The following AKAP11 variants were observed in gnomAD, a reference collection of about 807,000 sequenced individuals.
The protein encoded by AKAP11 is A-kinase anchoring protein 11, also known as A-kinase anchor protein 11.
In AKAP11, 36 loss-of-function variants were observed where a neutral mutation model predicts 146.1. The ratio of observed to expected loss-of-function variants is 0.25; its 90% CI spans 0.19 to 0.33. The LOEUF (loss-of-function observed/expected upper bound fraction) is 0.33, where lower values mean the gene tolerates loss of function less well. Ranked by LOEUF, AKAP11 falls within the 10% of genes least tolerant of loss-of-function variation. The pLI is 1.00. For synonymous variants in AKAP11, 780 were observed against 786.5 expected (o/e 0.99, Z 0.14); for missense variants, 2,201 against 2,197.0 (o/e 1.00, Z -0.04).
intron 1 of AKAP11, among the ~76,000 whole-genome samples, chr13:42,275,551 G>A (rs1270451644): frequency 6.6e-6 from 1 of 152,204 alleles, no homozygotes; most frequent in Non-Finnish European, 1.5e-5. Context: ...GGGAGGAAGT[G>A]ATGGATACCT....
chr13:42,303,152 C>A lies in AKAP11; in HGVS notation c.4406C>A (p.Ala1469Asp). 1.2e-6 allele frequency: 2 copies of A among 1,614,170 alleles called. No individual in the cohort carries two copies. The highest frequency in any genetic ancestry group is 1.7e-6 in the Non-Finnish European group (2 of 1,180,030). The change falls in exon 8 of 13, where the codon GCT (alanine) becomes GAT (aspartate). Residue 1469 changes from alanine (A) to aspartate (D), a missense_variant. Physicochemically the swap from Ala to Asp is moderately radical, Grantham distance 126 (BLOSUM62 -2). Coordinates refer to ENST00000025301, the MANE Select transcript of AKAP11 (RefSeq NM_016248.4). The stretch of plus-strand genomic sequence containing the variant: ...CTGGTTCACAGCATAACAAAAGATG[C>A]TAAGGAAGAGTTGACAGCCTCTCTA... ...TSLVHSITKD[A>D]KEELTASLVG...
intron 1 of AKAP11, among the ~76,000 whole-genome samples, chr13:42,279,263 C>CCACACA (rs144570815): frequency 0.098 from 14,739 of 150,114 alleles, 793 homozygotes; most frequent in Admixed American, 0.12. Context: ...ACGTGCACAC[C>CCACACA]CACACACACA....
In AKAP11 at chr13:42,301,803, C is replaced by A. The variant is rs781177670; in HGVS notation, c.3057C>A (p.Ser1019=). The A allele has an allele frequency of 1.2e-6, 2 of 1,613,996 alleles. No homozygotes were observed. The highest frequency in any genetic ancestry group is 1.7e-6 in the Non-Finnish European group (2 of 1,180,002). Residue 1019 remains serine, a synonymous_variant, in exon 8 of 13, where the codon TCC becomes TCA. Transcript: ENST00000025301. The part of the protein sequence containing the change: ...ECKVSMVHGS[S]LETLPSCPAV... The stretch of plus-strand genomic sequence containing the variant: ...AAGTTTCTATGGTTCATGGATCCTC[C>A]CTAGAGACACTGCCATCTTGTCCAG...
At chr13:42,306,530 A>G (rs1960269174) in intron 8 of AKAP11, among the ~76,000 whole-genome samples, 1 of 152,222 alleles carries the variant, frequency 6.6e-6, no homozygotes, top group South Asian at 2.1e-4. Flanking sequence ...TCAGCTTTTT[A>G]TTAAGGCTGG....
rs1377481509 is a variant in AKAP11 at position 42,299,490 on chromosome 13, C to A, written c.744C>A (p.Pro248=). 1 of 1,613,810 alleles carries A rather than the reference C, an allele frequency of 6.2e-7. No individual in the cohort carries two copies. The highest frequency in any genetic ancestry group is 2.2e-5 in the East Asian group (1 of 44,890). Residue 248 remains proline, a synonymous_variant, in exon 8 of 13, where the codon CCC becomes CCA. Coordinates refer to ENST00000025301, the MANE Select transcript of AKAP11 (RefSeq NM_016248.4). ...GACAGCAGAAGTCATTGGCTAAACC[C>A]TCAACTTCCTCAGTGAATGTCCTGG... ...SSGQQKSLAK[P]STSSVNVLGH...
chr13:42,271,590 G>A (rs1225197646), upstream of AKAP11, among the ~76,000 whole-genome samples: 3 of 152,242 alleles, frequency 2.0e-5, no homozygotes, highest in Non-Finnish European at 4.4e-5. Flanking sequence ...CTAGCCTTGT[G>A]GCGAAGAAGG....
At chr13:42,287,289 CTT>C (rs148655463) in intron 3 of AKAP11, among the ~76,000 whole-genome samples, 1 of 146,408 alleles carries the variant, frequency 6.8e-6, no homozygotes, top group African/African-American at 2.5e-5. Flanking sequence ...ATGTTAATTA[CTT>C]TTTTTTTTTT....
rs1960683440 is a variant in AKAP11 at position 42,313,874 on chromosome 13, TCTG to T, written c.5358-17_5358-15del. ...TAATTAAATTTTTTTTGTAACTGCT[TCTG>T]CTATTTTATTCATAAGTGATGGACC... On this transcript the variant is annotated splice_polypyrimidine_tract_variant and intron_variant, in intron 10 of 12. Coordinates refer to ENST00000025301, the MANE Select transcript of AKAP11 (RefSeq NM_016248.4). 2.5e-6 allele frequency: 4 copies of T among 1,603,692 alleles called. No homozygotes were observed. The highest frequency in any genetic ancestry group is 3.4e-6 in the Non-Finnish European group (4 of 1,175,216).
At chr13:42,281,665 C>A (rs1021101386) in intron 1 of AKAP11, among the ~76,000 whole-genome samples, 4 of 151,782 alleles carry the variant, frequency 2.6e-5, no homozygotes, top group African/African-American at 9.7e-5. Flanking sequence ...ATTGTATCTA[C>A]CCAGATGAAA....
chr13:42,312,121 G>A (rs1364009971), intron 9 of AKAP11, among the ~76,000 whole-genome samples: 2 of 152,020 alleles, frequency 1.3e-5, no homozygotes, highest in Non-Finnish European at 2.9e-5. Context: ...TAATTGCCTA[G>A]CATAATATTG....
At chr13:42,297,932 TTTG>T (rs1959611751) in intron 6 of AKAP11, among the ~76,000 whole-genome samples, 1 of 152,094 alleles carries the variant, frequency 6.6e-6, no homozygotes, top group African/African-American at 2.4e-5. Flanking sequence ...AGCTATTATA[TTTG>T]ATTTCTAGTT....
At chr13:42,318,198 A>G (rs1432313443) in intron 12 of AKAP11, among the ~76,000 whole-genome samples, 3 of 152,240 alleles carry the variant, frequency 2.0e-5, no homozygotes, top group Non-Finnish European at 4.4e-5. Flanking sequence ...CAAGTACCTT[A>G]TTAGTCAAGA....
rs967979591 is a variant in AKAP11, at chr13:42,321,895, T to C, written c.*2667T>C. On this transcript the variant is annotated 3_prime_UTR_variant, in exon 13 of 13. Coordinates refer to ENST00000025301, the MANE Select transcript of AKAP11 (RefSeq NM_016248.4). Reference sequence around the variant, plus strand: ...TTTTACCAGTTTCAAAACCTTCAAGTGATATGTGGAAAAAAGTGAATGAGA... The same window carrying C: ...TTTTACCAGTTTCAAAACCTTCAAGCGATATGTGGAAAAAAGTGAATGAGA... 4.6e-5 allele frequency: 7 copies of C among 152,274 alleles called. No homozygotes were observed. The highest frequency in any genetic ancestry group is 1.7e-4 in the African/African-American group (7 of 41,430). 9.4% of individuals were successfully genotyped at this position (152,274 alleles called of 1,614,324 possible). A position where few individuals can be genotyped will look rare whatever the true frequency, so the allele number is the denominator to read the frequency against.
At chr13:42,277,711 C>T (rs1958959602) in intron 1 of AKAP11, among the ~76,000 whole-genome samples, 1 of 152,226 alleles carries the variant, frequency 6.6e-6, no homozygotes, top group African/African-American at 2.4e-5. Flanking sequence ...TGAAATTTCT[C>T]TTCACCGTAC....
Position 42,286,015 on chromosome 13 carries a change from A to C in AKAP11, c.-70A>C, listed in dbSNP as rs1959161230. ...TTCTCTTTGACACTTTGCAATAAAA[A>C]AGGGCAGTGAGATTGAATAGGTAAG... is the stretch of plus-strand genomic sequence containing the variant. On this transcript the variant is annotated 5_prime_UTR_variant, in exon 2 of 13. Transcript: ENST00000025301. 1 of 162,224 alleles carries C rather than the reference A, an allele frequency of 6.2e-6. No homozygotes were observed. Among genetic ancestry groups the C allele is most frequent in the African/African-American group, 2.4e-5 (1 of 41,880 alleles). 10.0% of individuals were successfully genotyped at this position (162,224 alleles called of 1,614,324 possible). A position where few individuals can be genotyped will look rare whatever the true frequency, so the allele number is the denominator to read the frequency against.
At chr13:42,312,587 T>TC (rs575291698) in intron 9 of AKAP11, among the ~76,000 whole-genome samples, 9 of 151,978 alleles carry the variant, frequency 5.9e-5, no homozygotes, top group African/African-American at 2.2e-4. Context: ...CCATCCCATC[T>TC]CCCCCCAACA....
intron 1 of AKAP11, among the ~76,000 whole-genome samples, chr13:42,272,905 C>T (rs568294807): frequency 6.6e-6 from 1 of 152,252 alleles, no homozygotes; most frequent in East Asian, 1.9e-4. Context: ...TAGATGTAAC[C>T]GAAGTATTAA....
At chr13:42,286,791 C>T (rs539228532) in intron 3 of AKAP11, among the ~76,000 whole-genome samples, 1 of 152,142 alleles carries the variant, frequency 6.6e-6, no homozygotes, top group Non-Finnish European at 1.5e-5. Flanking sequence ...AACAAGCAAA[C>T]AAAATATGAT....
intron 6 of AKAP11, 98 bp from the exon 7 acceptor site, chr13:42,298,435 T>G (rs1959637485): frequency 7.6e-7 from 1 of 1,311,744 alleles, no homozygotes; most frequent in African/African-American, 1.5e-5. Flanking sequence ...ATTTCTTGTT[T>G]GTTTTTTTCT....
Sources: gnomAD v4.1 joint callset for allele counts (sites outside exome capture counted in the v4.1 genomes callset) on GRCh38, gnomAD v4.1.1 for gene constraint, MANE v1.5 for transcripts, NCBI Gene and HGNC (gene_info 2026-07-23, HGNC 2026-07-21) for gene names.